WDR64: variants seen among roughly 807,000 people sequenced by gnomAD.
WDR64 encodes the protein WD repeat domain 64, also known as WD repeat-containing protein 64.
WDR64 carries 112 observed loss-of-function variants against 139.3 expected under a neutral mutation model. The ratio of observed to expected loss-of-function variants is 0.80; its 90% CI spans 0.69 to 0.94. The LOEUF (loss-of-function observed/expected upper bound fraction) is 0.94. Among genes scored for constraint, WDR64 ranks in the 40% least tolerant of loss-of-function variants. The pLI is 0.00. For synonymous variants in WDR64, 444 were observed against 437.7 expected, an observed-to-expected ratio of 1.01 and a Z score of -0.18; for missense variants, 1,206 against 1,293.1, an observed-to-expected ratio of 0.93 and a Z score of 1.03.
intron 11 of WDR64, among the ~76,000 whole-genome samples, chr1:241,740,698 C>T (rs12083920): frequency 0.12 from 17,588 of 150,796 alleles, 3,468 homozygotes; most frequent in African/African-American, 0.41. Flanking sequence ...GAAGGAGTCT[C>T]GCTCTGTCGC....
At chr1:241,684,608 AT>A (rs766539554) in intron 7 of WDR64, among the ~76,000 whole-genome samples, 97 of 152,358 alleles carry the variant, frequency 6.4e-4, no homozygotes, top group Non-Finnish European at 1.1e-3. Flanking sequence ...GCATTCTCAC[AT>A]TAGTTGGTGG....
At chr1:241,795,817 A>C (rs1330688757) in intron 26 of WDR64, among the ~76,000 whole-genome samples, 1 of 152,222 alleles carries the variant, frequency 6.6e-6, no homozygotes, top group African/African-American at 2.4e-5. Context: ...CCAAGAAATA[A>C]TAAGCCAGAG....
chr1:241,710,348 A>G (rs1668111065), intron 8 of WDR64, among the ~76,000 whole-genome samples: 1 of 152,196 alleles, frequency 6.6e-6, no homozygotes. Flanking sequence ...GAGGAAATTG[A>G]AGCACGGTGA....
intron 16 of WDR64, among the ~76,000 whole-genome samples, chr1:241,768,752 C>T (rs933986083): frequency 6.6e-6 from 1 of 152,092 alleles, no homozygotes; most frequent in Non-Finnish European, 1.5e-5. Flanking sequence ...TGTTTCAGTG[C>T]AGGCATTTAG....
chr1:241,760,952 G>C (rs1335888357), intron 15 of WDR64, among the ~76,000 whole-genome samples: 2 of 151,514 alleles, frequency 1.3e-5, no homozygotes, highest in Non-Finnish European at 2.9e-5. Context: ...TTGACAGTGT[G>C]TCTTTGGGAT....
At position 241,735,515 on chromosome 1, in the gene WDR64, G is replaced by GTCTC. The variant is rs1223296107; in HGVS notation, c.1195-2832_1195-2829dup. Reference sequence around the variant, plus strand: ...GTCTCCTTTTAATATTTAGTTCTCTGTCTCTCTCTCTCTCTCTCTTTTTTT... The same window carrying GTCTC: ...GTCTCCTTTTAATATTTAGTTCTCTGTCTCTCTCTCTCTCTCTCTCTCTTTTTTT... On this transcript the variant is annotated intron_variant, in intron 10 of 27. Coordinates refer to ENST00000437684, the MANE Select transcript of WDR64 (RefSeq NM_001367482.1). Among the ~76,000 whole-genome samples the GTCTC allele has an allele frequency of 6.1e-5, 8 of 130,578 alleles. 1 individual carries two copies. In the South Asian group the frequency reaches 1.5e-3, roughly 25 times the overall value. 85.7% of individuals were successfully genotyped at this position (130,578 alleles called of 152,430 possible). A position where few individuals can be genotyped will look rare whatever the true frequency, so the allele number is the denominator to read the frequency against.
intron 10 of WDR64, among the ~76,000 whole-genome samples, chr1:241,736,415 T>A (rs1331794666): frequency 2.3e-4 from 31 of 134,644 alleles, no homozygotes; most frequent in South Asian, 1.7e-3. Context: ...TGGAAGAGTT[T>A]AAAAAAAAAA....
chr1:241,735,855 CTGTGTG>C (rs59974714), intron 10 of WDR64, among the ~76,000 whole-genome samples: 16 of 71,712 alleles, frequency 2.2e-4, no homozygotes, highest in African/African-American at 5.2e-4. Context: ...CTCTCTCTCT[CTGTGTG>C]TGTGTGTGTG....
At chr1:241,678,359 A>G in intron 5 of WDR64, 143 bp downstream of exon 5, 1 of 391,174 alleles carries the variant, frequency 2.6e-6, no homozygotes, top group Non-Finnish European at 4.5e-6. Context: ...TTTACTGACT[A>G]GGATCAAACC....
chr1:241,736,412 G>GT (rs1401965865), intron 10 of WDR64, among the ~76,000 whole-genome samples: 4 of 103,614 alleles, frequency 3.9e-5, no homozygotes, highest in Admixed American at 2.0e-4. Flanking sequence ...TTATGGAAGA[G>GT]TTTAAAAAAA....
intron 13 of WDR64, among the ~76,000 whole-genome samples, chr1:241,746,296 G>A (rs575075652): frequency 6.6e-6 from 1 of 152,194 alleles, no homozygotes; most frequent in South Asian, 2.1e-4. Context: ...AAGACCTGTG[G>A]TTCACTGGAG....
intron 9 of WDR64, among the ~76,000 whole-genome samples, chr1:241,715,356 C>T (rs1255802102): frequency 6.6e-6 from 1 of 152,192 alleles, no homozygotes; most frequent in African/African-American, 2.4e-5. Flanking sequence ...ATCCCAACTG[C>T]TTGATCCCCA....
intron 10 of WDR64, among the ~76,000 whole-genome samples, chr1:241,727,481 T>A (rs567223446): frequency 9.8e-5 from 15 of 152,314 alleles, no homozygotes; most frequent in African/African-American, 3.4e-4. Context: ...GGTTTCTTCA[T>A]CTGTAAATGT....
chr1:241,769,668 G>T (rs1428190591), intron 17 of WDR64, among the ~76,000 whole-genome samples, 163 bp downstream of exon 17: 3 of 152,172 alleles, frequency 2.0e-5, no homozygotes, highest in African/African-American at 7.2e-5. Flanking sequence ...ACATCAGTTG[G>T]GTTGACACGT....
At chr1:241,784,509 T>C (rs2148320326) in intron 23 of WDR64, among the ~76,000 whole-genome samples, 1 of 152,312 alleles carries the variant, frequency 6.6e-6, no homozygotes, top group South Asian at 2.1e-4. Flanking sequence ...ACTAGGTGAA[T>C]GTTAGAACCA....
intron 27 of WDR64, among the ~76,000 whole-genome samples, chr1:241,798,050 A>G (rs1034251453): frequency 3.9e-5 from 6 of 152,168 alleles, no homozygotes; most frequent in African/African-American, 1.4e-4. Flanking sequence ...ATCTACATAA[A>G]GACTAATCTA....
At chr1:241,736,938 T>C (rs1669351029) in intron 10 of WDR64, among the ~76,000 whole-genome samples, 1 of 152,178 alleles carries the variant, frequency 6.6e-6, no homozygotes, top group Non-Finnish European at 1.5e-5. Flanking sequence ...AGAGTGTATA[T>C]ACATACAGCA....
At chr1:241,759,937 C>T (rs534244377) in intron 15 of WDR64, among the ~76,000 whole-genome samples, 42 of 152,208 alleles carry the variant, frequency 2.8e-4, no homozygotes, top group Admixed American at 5.2e-4. Context: ...TACGAACTTA[C>T]ACTGAGGATC....
intron 14 of WDR64, among the ~76,000 whole-genome samples, chr1:241,749,984 G>A (rs1669921236): frequency 6.6e-6 from 1 of 152,148 alleles, no homozygotes; most frequent in African/African-American, 2.4e-5. Flanking sequence ...CAGGTGTCAG[G>A]AAGGCTAAAT....
Sources: allele counts gnomAD v4.1 joint callset (sites outside exome capture counted in the v4.1 genomes callset), GRCh38; gene constraint gnomAD v4.1.1; transcripts MANE v1.5; gene names NCBI Gene and HGNC (gene_info 2026-07-23, HGNC 2026-07-21).